SH3GL1: variants seen among roughly 807,000 people sequenced by gnomAD.
SH3GL1 encodes endophilin-A2.
In SH3GL1, 21 loss-of-function variants were observed where a neutral mutation model predicts 48.8. The ratio of observed to expected loss-of-function variants is 0.43; its 90% confidence interval spans 0.30 to 0.62. The LOEUF (loss-of-function observed/expected upper bound fraction) is 0.62. Among genes scored for constraint, SH3GL1 ranks in the 20% least tolerant of loss-of-function variants. SH3GL1 has a pLI of 0.11. For missense variants in SH3GL1, 454 were observed against 503.0 expected, an observed-to-expected ratio of 0.90 and a Z score of 0.93; for synonymous variants, 282 against 217.5, an observed-to-expected ratio of 1.30 and a Z score of -2.61.
Position 4,389,057 on chromosome 19 carries a change from G to C in SH3GL1, c.45+11267C>G, listed in dbSNP as rs1286577986. 6.6e-6 allele frequency among the ~76,000 whole-genome samples: 1 copy of C among 152,198 alleles called. No homozygotes were observed. Among genetic ancestry groups the C allele is most frequent in the Non-Finnish European group, 1.5e-5 (1 of 68,028 alleles). On this transcript the variant is annotated intron_variant, in intron 1 of 9. Coordinates refer to ENST00000269886, the MANE Select transcript of SH3GL1 (RefSeq NM_003025.4). The surrounding 1 kb of genome is among the most constrained non-coding windows in gnomAD (Gnocchi z 4.5). ...CCAGCGGACCAGGGGCTGCTGTTGA[G>C]CCACCACCAGGGACACCACAGGGGC...
intron 1 of SH3GL1, among the ~76,000 whole-genome samples, chr19:4,398,688 T>G (rs1340262636): frequency 6.6e-6 from 1 of 152,194 alleles, no homozygotes; most frequent in Non-Finnish European, 1.5e-5. Context: ...TGAGGCTTCT[T>G]GCATTCGAAA....
intron 9 of SH3GL1, 87 bp downstream of exon 9, chr19:4,362,242 G>T: frequency 7.4e-7 from 1 of 1,345,876 alleles, no homozygotes; most frequent in Non-Finnish European, 1.0e-6. Context: ...GCTTGAGATG[G>T]GCAGAGAACA....
chr19:4,388,355 G>C (rs565712421), intron 1 of SH3GL1, among the ~76,000 whole-genome samples: 1 of 152,352 alleles, frequency 6.6e-6, no homozygotes, highest in African/African-American at 2.4e-5. Context: ...TGGTCTGCGA[G>C]TCGTGGGAGT....
intron 1 of SH3GL1, among the ~76,000 whole-genome samples, chr19:4,371,918 G>A (rs1388886077): frequency 6.6e-6 from 1 of 152,266 alleles, no homozygotes; most frequent in Non-Finnish European, 1.5e-5. Context: ...GCACAGAGCG[G>A]AGAAATGGCA....
At chr19:4,392,094 G>A (rs562179264) in intron 1 of SH3GL1, among the ~76,000 whole-genome samples, 7 of 152,246 alleles carry the variant, frequency 4.6e-5, no homozygotes, top group African/African-American at 1.4e-4. Flanking sequence ...CACCGGCCTT[G>A]TCCCGGGCAC....
chr19:4,396,547 A>G (rs1687975321), intron 1 of SH3GL1, among the ~76,000 whole-genome samples: 1 of 152,046 alleles, frequency 6.6e-6, no homozygotes, highest in Admixed American at 6.6e-5. Context: ...GTGCTTCCCA[A>G]ACTGCTGGGA....
intron 1 of SH3GL1, among the ~76,000 whole-genome samples, chr19:4,375,506 C>T (rs564271379): frequency 6.6e-6 from 1 of 152,346 alleles, no homozygotes; most frequent in East Asian, 1.9e-4. Context: ...GGAGGACAGG[C>T]CTGCCAACCA....
intron 1 of SH3GL1, among the ~76,000 whole-genome samples, chr19:4,381,120 CCTCT>C (rs1196485665): frequency 2.5e-4 from 29 of 117,368 alleles, no homozygotes; most frequent in Middle Eastern, 4.9e-3. Context: ...TGTCCCCCTG[CCTCT>C]CTCTATCCCC....
intron 1 of SH3GL1, among the ~76,000 whole-genome samples, chr19:4,373,834 G>A (rs780074794): frequency 1.3e-4 from 20 of 152,232 alleles, no homozygotes; most frequent in Non-Finnish European, 2.2e-4. Context: ...CCTGGCCAGA[G>A]GTGTGGCTGG....
In SH3GL1 at chr19:4,400,330, C is replaced by A; in HGVS notation, c.39G>T (p.Ala13=). ...CGCCTGGGCCTGCGCTCACCTGGCT[C>A]GCCTTGTAGAACTGCTTCTTCAGCC... ...VAGLKKQFYK[A]SQLVSEKVGG... Residue 13 remains alanine, a synonymous_variant, in exon 1 of 10, where the codon GCG becomes GCT. Coordinates refer to ENST00000269886, the MANE Select transcript of SH3GL1 (RefSeq NM_003025.4). The surrounding 1 kb of genome is among the most constrained non-coding windows in gnomAD (Gnocchi z 4.1). The A allele has an allele frequency of 6.3e-7, 1 of 1,598,946 alleles. No individual in the cohort carries two copies. Among genetic ancestry groups the A allele is most frequent in the Non-Finnish European group, 8.5e-7 (1 of 1,175,774 alleles).
intron 8 of SH3GL1, 69 bp from the exon 9 acceptor site, chr19:4,362,454 T>C: frequency 1.3e-6 from 2 of 1,572,614 alleles, no homozygotes; most frequent in East Asian, 2.3e-5. Flanking sequence ...TGCAGAAGGC[T>C]GGGGCCAGCC....
Position 4,400,259 on chromosome 19 carries a change from G to A in SH3GL1, c.45+65C>T, listed in dbSNP as rs1804784806. 3.9e-6 allele frequency: 6 copies of A among 1,542,704 alleles called. No homozygotes were observed. The highest frequency in any genetic ancestry group is 1.8e-5 in the Admixed American group (1 of 56,866). ...CCGGCCCCCTCCCGGGCCAGGTCGG[G>A]CCTGGCTCCCTCATCCGGGCAGCCC... On this transcript the variant is annotated intron_variant, in intron 1 of 9. Transcript: ENST00000269886. This position sits in a 1 kb window ranked among gnomAD's most constrained non-coding sequence, Gnocchi z 4.1.
chr19:4,380,716 C>T (rs373051544), intron 1 of SH3GL1, among the ~76,000 whole-genome samples: 12 of 152,266 alleles, frequency 7.9e-5, no homozygotes, highest in Admixed American at 2.6e-4. Context: ...CAGGCTTAGA[C>T]GGGCAATAGC....
intron 1 of SH3GL1, chr19:4,380,025 C>A (rs1973089352): frequency 6.6e-6 from 1 of 152,216 alleles, no homozygotes; most frequent in African/African-American, 2.4e-5. Context: ...AAGGACTGGC[C>A]CCACGGATGC....
At chr19:4,374,466 T>C (rs1279500015) in intron 1 of SH3GL1, among the ~76,000 whole-genome samples, 1 of 152,234 alleles carries the variant, frequency 6.6e-6, no homozygotes, top group African/African-American at 2.4e-5. Flanking sequence ...CAGCCCACAC[T>C]GCCTTTCTGA....
Position 4,365,578 on chromosome 19 carries a change from C to G in SH3GL1, c.235G>C (p.Gly79Arg), listed in dbSNP as rs763685197. ...GGGTAGCCGGGGTTCTTCACCTGGC[C>G]CCGGATCTTGGACACCGTGTTGAGC... The part of the protein sequence containing the change: ...TMLNTVSKIR[G>R]QVKNPGYPQS... Residue 79 changes from glycine to arginine, a missense_variant, in exon 4 of 10, where the codon GGC becomes CGC. Around this residue, in one of 2 missense-constraint regions of SH3GL1, gnomAD observed 176 missense variants for 256.2 expected, o/e 0.69. Transcript: ENST00000269886. The G allele has an allele frequency of 6.2e-7, 1 of 1,614,130 alleles. No homozygotes were observed. Among genetic ancestry groups the G allele is most frequent in the Admixed American group, 1.7e-5 (1 of 60,030 alleles).
chr19:4,379,661 TG>T (rs2144896111), intron 1 of SH3GL1, among the ~76,000 whole-genome samples: 1 of 152,022 alleles, frequency 6.6e-6, no homozygotes, highest in East Asian at 1.9e-4. Flanking sequence ...ACTCCTTCCC[TG>T]GGGATGTCCC....
chr19:4,367,631 G>A lies in SH3GL1; in HGVS notation c.46-637C>T, dbSNP rs774348960. On this transcript the variant is annotated intron_variant, in intron 1 of 9. Transcript: ENST00000269886. This position sits in a 1 kb window ranked among gnomAD's most constrained non-coding sequence, Gnocchi z 4.2. ...AGGCCTGGCACACCTTGGTCCTCACGGCTCTCAGCTACGGTGAAAGCGATG... is the reference window on the plus strand; with the variant it reads ...AGGCCTGGCACACCTTGGTCCTCACAGCTCTCAGCTACGGTGAAAGCGATG... Among the ~76,000 whole-genome samples the A allele has an allele frequency of 5.9e-5, 9 of 152,160 alleles. No homozygotes were observed. Among genetic ancestry groups the A allele is most frequent in the Non-Finnish European group, 1.0e-4 (7 of 68,036 alleles).
chr19:4,383,426 GT>G (rs771237518), intron 1 of SH3GL1, among the ~76,000 whole-genome samples: 11 of 151,780 alleles, frequency 7.2e-5, no homozygotes, highest in Non-Finnish European at 1.3e-4. Flanking sequence ...TAGAGACGGG[GT>G]TTCACTTTGT....
Sources: gnomAD v4.1 joint callset for allele counts (sites outside exome capture counted in the v4.1 genomes callset) on GRCh38, gnomAD v4.1.1 for gene constraint, gnomAD v4.1.1 regional missense constraint, Gnocchi (gnomAD v3.1) non-coding constraint, MANE v1.5 for transcripts, NCBI Gene and HGNC (gene_info 2026-07-23, HGNC 2026-07-21) for gene names.